RERE: variants seen among roughly 807,000 people sequenced by gnomAD.
RERE encodes arginine-glutamic acid dipeptide repeats.
RERE carries 40 observed loss-of-function variants against 146.1 expected under a neutral mutation model. The ratio of observed to expected loss-of-function variants is 0.27; its 90% CI spans 0.21 to 0.36. The LOEUF is 0.36. Ranked by LOEUF, RERE falls within the 10% of genes least tolerant of loss-of-function variation. The probability of loss-of-function intolerance (pLI) is 1.00; values close to 1 mark genes in which losing one functional copy is unlikely to be tolerated. For synonymous variants in RERE, 1,003 were observed against 866.0 expected, an observed-to-expected ratio of 1.16 and a Z score of -2.78; for missense variants, 1,933 against 2,138.7, an observed-to-expected ratio of 0.90 and a Z score of 1.90.
intron 11 of RERE, among the ~76,000 whole-genome samples, chr1:8,436,252 G>C (rs372462128): frequency 2.0e-4 from 30 of 152,210 alleles, no homozygotes; most frequent in Admixed American, 3.3e-4. Flanking sequence ...CCGGGAGACA[G>C]AGGTTGCAAT....
rs36061391 is a variant in RERE at position 8,426,449 on chromosome 1, CAA to C, written c.1204-3644_1204-3643del. On this transcript the variant is annotated intron_variant, in intron 11 of 22. Coordinates refer to ENST00000400908, the MANE Select transcript of RERE (RefSeq NM_001042681.2). ...AGCCTGGGCGACAGAGACTCTGTCT[CAA>C]AAAAAAAAAAAAAAAAAGTGTCTTT... 2.7e-3 allele frequency among the ~76,000 whole-genome samples: 301 copies of C among 109,842 alleles called. 2 individuals carry two copies. The highest frequency in any genetic ancestry group is 6.3e-3 in the Admixed American group (70 of 11,030). 72.1% of individuals were successfully genotyped at this position (109,842 alleles called of 152,430 possible).
intron 4 of RERE, among the ~76,000 whole-genome samples, chr1:8,564,486 CAAA>C (rs1646117038): frequency 6.6e-6 from 1 of 152,088 alleles, no homozygotes; most frequent in Non-Finnish European, 1.5e-5. Flanking sequence ...TGTCAGCACT[CAAA>C]AAGTTATGGA....
At chr1:8,552,042 C>T (rs1645941963) in intron 6 of RERE, among the ~76,000 whole-genome samples, 1 of 152,192 alleles carries the variant, frequency 6.6e-6, no homozygotes, top group South Asian at 2.1e-4. Flanking sequence ...TAGCTAAGGT[C>T]AAGAATTCAA....
At chr1:8,623,685 G>A (rs577275868) in intron 3 of RERE, among the ~76,000 whole-genome samples, 7 of 152,212 alleles carry the variant, frequency 4.6e-5, no homozygotes, top group South Asian at 2.1e-4. Flanking sequence ...CTAAAAAAGC[G>A]ATTTCATAAT....
At chr1:8,368,406 G>A (rs910741865) in intron 12 of RERE, among the ~76,000 whole-genome samples, 16 of 151,704 alleles carry the variant, frequency 1.1e-4, no homozygotes, top group African/African-American at 2.7e-4. Flanking sequence ...CCCGGGAAGC[G>A]GAGCTTGCAG....
intron 1 of RERE, among the ~76,000 whole-genome samples, chr1:8,743,266 C>T (rs1030106740): frequency 5.3e-5 from 8 of 151,942 alleles, no homozygotes; most frequent in Non-Finnish European, 7.4e-5. Flanking sequence ...GGTACAGGGG[C>T]GCGTGCCTGT....
intron 4 of RERE, among the ~76,000 whole-genome samples, chr1:8,591,408 C>CA (rs1446348370): frequency 6.7e-6 from 1 of 150,282 alleles, no homozygotes; most frequent in Non-Finnish European, 1.5e-5. Flanking sequence ...TGCAAATGGC[C>CA]ATCAGCACTC....
At chr1:8,520,295 G>C (rs537641559) in intron 7 of RERE, among the ~76,000 whole-genome samples, 32 of 152,184 alleles carry the variant, frequency 2.1e-4, no homozygotes, top group African/African-American at 7.5e-4. Context: ...GCTCTTTTAA[G>C]GGGTCACACT....
At chr1:8,540,473 C>T (rs1407866258) in intron 7 of RERE, among the ~76,000 whole-genome samples, 1 of 152,128 alleles carries the variant, frequency 6.6e-6, no homozygotes, top group Non-Finnish European at 1.5e-5. Context: ...GTGTCCAGAG[C>T]ATATATTACT....
chr1:8,525,704 G>C, intron 7 of RERE: 1 of 1,528,460 alleles, frequency 6.5e-7, no homozygotes, highest in Admixed American at 2.2e-5. Flanking sequence ...TCAGAAGTGA[G>C]AAAGAGCAGC....
At chr1:8,718,207 T>C (rs534157961) in intron 1 of RERE, among the ~76,000 whole-genome samples, 21 of 152,374 alleles carry the variant, frequency 1.4e-4, no homozygotes, top group African/African-American at 5.0e-4. Context: ...GCAGTCAATT[T>C]ACCTTAGAAA....
intron 7 of RERE, among the ~76,000 whole-genome samples, chr1:8,531,052 T>G (rs201907432): frequency 6.7e-6 from 1 of 149,564 alleles, no homozygotes; most frequent in African/African-American, 2.5e-5. Flanking sequence ...TATCTATCTA[T>G]CTATCTATCT....
At chr1:8,803,552 G>A (rs1052355918) in intron 1 of RERE, among the ~76,000 whole-genome samples, 1 of 152,048 alleles carries the variant, frequency 6.6e-6, no homozygotes, top group Admixed American at 6.6e-5. Context: ...ATAATCCCAA[G>A]TTACTAAAGT....
chr1:8,525,206 A>G lies in RERE; in HGVS notation c.830+16008T>C, dbSNP rs965968727. Among the ~76,000 whole-genome samples the G allele has an allele frequency of 3.3e-5, 5 of 152,346 alleles. No homozygotes were observed. The East Asian group carries it at 9.6e-4, about 29-fold the overall frequency. On this transcript the variant is annotated intron_variant, in intron 7 of 22. Coordinates refer to ENST00000400908, the MANE Select transcript of RERE (RefSeq NM_001042681.2). The stretch of plus-strand genomic sequence containing the variant: ...GTTATTGTTGCAATCATAATTCACA[A>G]CTGTTCCCTGAATATGTCAGACTTC...
chr1:8,487,212 C>A (rs1286574042), intron 10 of RERE, among the ~76,000 whole-genome samples: 4 of 152,080 alleles, frequency 2.6e-5, no homozygotes, highest in African/African-American at 4.8e-5. Context: ...AACAAAGCAA[C>A]TGACAAAATT....
intron 4 of RERE, among the ~76,000 whole-genome samples, chr1:8,578,485 TA>T (rs1646323899): frequency 6.6e-6 from 1 of 152,326 alleles, no homozygotes; most frequent in African/African-American, 2.4e-5. Flanking sequence ...TTTCTAACTT[TA>T]AACCTAAAGG....
At chr1:8,592,889 T>C (rs1013914967) in intron 4 of RERE, among the ~76,000 whole-genome samples, 1 of 152,212 alleles carries the variant, frequency 6.6e-6, no homozygotes, top group African/African-American at 2.4e-5. Context: ...TAAAACGTGT[T>C]GAAACTGTTC....
At position 8,364,302 on chromosome 1, in the gene RERE, C is replaced by T. The variant is rs534188346; in HGVS notation, c.1541-47G>A. 218 of 1,547,626 alleles carry T rather than the reference C, an allele frequency of 1.4e-4. 2 individuals are homozygous for T. The South Asian group carries it at 2.2e-3, about 16-fold the overall frequency. On this transcript the variant is annotated intron_variant, in intron 14 of 22. Transcript: ENST00000400908. This position sits in a 1 kb window ranked among gnomAD's most constrained non-coding sequence, Gnocchi z 5.1. ...GGCCAACCTTGGAAACCATCCCTCT[C>T]CCTGGGGATGTCTGGGCAGAGGGGC... is the stretch of plus-strand genomic sequence containing the variant.
At chr1:8,435,255 T>C (rs1248389754) in intron 11 of RERE, among the ~76,000 whole-genome samples, 2 of 152,250 alleles carry the variant, frequency 1.3e-5, no homozygotes, top group Non-Finnish European at 2.9e-5. Context: ...GATAACACGA[T>C]ATAGGCTACG....
Sources: allele counts gnomAD v4.1 joint callset (sites outside exome capture counted in the v4.1 genomes callset), GRCh38; gene constraint gnomAD v4.1.1; non-coding constraint Gnocchi (gnomAD v3.1); transcripts MANE v1.5; gene names NCBI Gene and HGNC (gene_info 2026-07-23, HGNC 2026-07-21).